Variants in FAM184B observed in about 807,000 individuals in gnomAD.
FAM184B encodes family with sequence similarity 184 member B, also known as protein FAM184B.
In FAM184B, 111 loss-of-function variants were observed where a neutral mutation model predicts 135.9. That is an observed-to-expected ratio of 0.82 (90% CI 0.70 to 0.96). FAM184B has a LOEUF of 0.96. Ranked by LOEUF, FAM184B falls within the 40% of genes least tolerant of loss-of-function variation. The pLI is 0.00. For synonymous variants in FAM184B, 552 were observed against 524.8 expected, an observed-to-expected ratio of 1.05 and a Z score of -0.71; for missense variants, 1,375 against 1,323.9, an observed-to-expected ratio of 1.04 and a Z score of -0.60.
intron 2 of FAM184B, among the ~76,000 whole-genome samples, chr4:17,708,032 T>A (rs1717156563): frequency 6.6e-6 from 1 of 152,138 alleles, no homozygotes; most frequent in African/African-American, 2.4e-5. Context: ...TAACTGCTGC[T>A]ACTTGTAGAG....
intron 5 of FAM184B, 122 bp from the exon 6 acceptor site, chr4:17,693,534 A>C (rs939846598): frequency 1.5e-5 from 11 of 716,084 alleles, no homozygotes; most frequent in Non-Finnish European, 2.6e-5. Flanking sequence ...CACTGCAAAT[A>C]AACATAAATT....
chr4:17,706,087 G>A lies in FAM184B; in HGVS notation c.1031-196C>T, dbSNP rs141995568. 1.2e-3 allele frequency among the ~76,000 whole-genome samples: 190 copies of A among 152,304 alleles called. 1 individual carries two copies. Among genetic ancestry groups the A allele is most frequent in the African/African-American group, 4.1e-3 (171 of 41,554 alleles). On this transcript the variant is annotated intron_variant, in intron 3 of 17. Coordinates refer to ENST00000265018, the MANE Select transcript of FAM184B (RefSeq NM_015688.2). ...CTCATCTCTTCTCAAGAAGCCTCGT[G>A]AGCTTAAATAACTGCCCTGCTCTAC...
At chr4:17,640,205 G>T (rs1317023648) in intron 13 of FAM184B, among the ~76,000 whole-genome samples, 1 of 150,480 alleles carries the variant, frequency 6.6e-6, no homozygotes, top group Non-Finnish European at 1.5e-5. Context: ...GGGTGCGGTG[G>T]CTCACATCTG....
At chr4:17,733,773 A>C (rs189683002) in intron 1 of FAM184B, among the ~76,000 whole-genome samples, 4 of 152,358 alleles carry the variant, frequency 2.6e-5, no homozygotes, top group African/African-American at 7.2e-5. Flanking sequence ...TTATATATTC[A>C]ATGCCATCCC....
intron 11 of FAM184B, 110 bp from the exon 12 acceptor site, chr4:17,647,901 G>A (rs1173742285): frequency 1.6e-5 from 20 of 1,257,310 alleles, no homozygotes; most frequent in Non-Finnish European, 2.2e-5. Flanking sequence ...GGCTGCTGAA[G>A]GCTTGTGGTG....
chr4:17,746,430 TAAA>T (rs1718165547), intron 1 of FAM184B, among the ~76,000 whole-genome samples: 11 of 151,994 alleles, frequency 7.2e-5, no homozygotes, highest in Admixed American at 5.9e-4. Context: ...GGGAATGGCT[TAAA>T]AAAGTAGATT....
chr4:17,629,635 ACT>A lies in FAM184B; in HGVS notation c.*2895_*2896del, dbSNP rs1714866803. On this transcript the variant is annotated 3_prime_UTR_variant, in exon 18 of 18. Coordinates refer to ENST00000265018, the MANE Select transcript of FAM184B (RefSeq NM_015688.2). Reference sequence around the variant, plus strand: ...AGCCTGAAGAGATTTACCATTAAATACTGTTTTTTTCTCTCTCTTAACTTAAT... The same window carrying A: ...AGCCTGAAGAGATTTACCATTAAATAGTTTTTTTCTCTCTCTTAACTTAAT... 1 of 152,158 alleles carries A rather than the reference ACT, an allele frequency of 6.6e-6. No individual in the cohort carries two copies. The allele number at this position is 152,158 out of a possible 1,614,324, so 9.4% of individuals were successfully genotyped here. A position where few individuals can be genotyped will look rare whatever the true frequency, so the allele number is the denominator to read the frequency against.
chr4:17,658,283 T>C, intron 10 of FAM184B, 67 bp downstream of exon 10: 2 of 1,394,368 alleles, frequency 1.4e-6, no homozygotes, highest in Non-Finnish European at 2.0e-6. Context: ...AAGGGACGGC[T>C]TTGTGCATGG....
intron 4 of FAM184B, 95 bp downstream of exon 4, chr4:17,705,657 C>A (rs1717097216): frequency 3.6e-6 from 5 of 1,404,152 alleles, no homozygotes; most frequent in Admixed American, 2.4e-5. Flanking sequence ...CCAAGTGGAT[C>A]CACTATGCTT....
chr4:17,716,807 CTTTAT>C (rs572528327), intron 1 of FAM184B, among the ~76,000 whole-genome samples: 12 of 151,962 alleles, frequency 7.9e-5, no homozygotes, highest in African/African-American at 2.9e-4. Context: ...AGAGCTTACC[CTTTAT>C]TTTATTTTAT....
intron 8 of FAM184B, among the ~76,000 whole-genome samples, chr4:17,663,260 G>A (rs560944080): frequency 2.0e-5 from 3 of 152,228 alleles, no homozygotes; most frequent in African/African-American, 7.2e-5. Context: ...TTTTAGGGAA[G>A]TGCTTGTTTG....
At position 17,630,963 on chromosome 4, in the gene FAM184B, T is replaced by C. The variant is rs1714918648; in HGVS notation, c.*1569A>G. 6.6e-6 allele frequency: 1 copy of C among 152,252 alleles called. No homozygotes were observed. The highest frequency in any genetic ancestry group is 6.5e-5 in the Admixed American group (1 of 15,288). The allele number at this position is 152,252 out of a possible 1,614,324, so 9.4% of individuals were successfully genotyped here. The stretch of plus-strand genomic sequence containing the variant: ...GACAATGCATAGAATTAACATTGGT[T>C]TGTGGGCCACCTTCTGGGCCAGCAC... On this transcript the variant is annotated 3_prime_UTR_variant, in exon 18 of 18. Transcript: ENST00000265018.
chr4:17,668,180 A>C (rs1716095852), intron 7 of FAM184B, among the ~76,000 whole-genome samples: 1 of 152,198 alleles, frequency 6.6e-6, no homozygotes, highest in South Asian at 2.1e-4. Context: ...GATCTTCCTC[A>C]GTTCACTTCT....
Position 17,708,995 on chromosome 4 carries a change from G to A in FAM184B, c.791C>T (p.Ala264Val). The change falls in exon 2 of 18, where the codon GCC becomes GTC. Residue 264 changes from alanine (A) to valine (V), a missense_variant. Transcript: ENST00000265018. ...LRKNFQVQES[A>V]LQAQVRKLEG... ...CAGCTTCCGGACCTGAGCCTGCAGG[G>A]CTGACTCCTGGACCTGGAAGTTCTT... 5.2e-6 allele frequency: 8 copies of A among 1,550,538 alleles called. No individual in the cohort carries two copies. The highest frequency in any genetic ancestry group is 2.7e-5 in the African/African-American group (2 of 73,090).
chr4:17,752,318 A>T (rs1242970197), intron 1 of FAM184B, among the ~76,000 whole-genome samples: 1 of 151,990 alleles, frequency 6.6e-6, no homozygotes, highest in Non-Finnish European at 1.5e-5. Flanking sequence ...GAATAGGGAA[A>T]TGGGTGGATG....
chr4:17,735,183 G>C (rs62297861), intron 1 of FAM184B, among the ~76,000 whole-genome samples: 4 of 151,662 alleles, frequency 2.6e-5, no homozygotes, highest in African/African-American at 9.7e-5. Flanking sequence ...TCCTGTTGTG[G>C]GGTGGGGGGA....
At chr4:17,747,321 G>T (rs370059057) in intron 1 of FAM184B, among the ~76,000 whole-genome samples, 6 of 152,102 alleles carry the variant, frequency 3.9e-5, no homozygotes, top group African/African-American at 1.2e-4. Flanking sequence ...GGCAGTTGAG[G>T]GGGTGTGGGG....
At chr4:17,704,090 C>T (rs1374964439) in intron 5 of FAM184B, among the ~76,000 whole-genome samples, 1 of 152,150 alleles carries the variant, frequency 6.6e-6, no homozygotes, top group Non-Finnish European at 1.5e-5. Context: ...GTATTTACTA[C>T]TCGTAACCCC....
At position 17,632,409 on chromosome 4, in the gene FAM184B, T is replaced by C. The variant is rs1714979638; in HGVS notation, c.*123A>G. 3 of 817,330 alleles carry C rather than the reference T, an allele frequency of 3.7e-6. No homozygotes were observed. The highest frequency in any genetic ancestry group is 5.7e-5 in the East Asian group (2 of 34,800). 50.6% of individuals were successfully genotyped at this position (817,330 alleles called of 1,614,324 possible). A position where few individuals can be genotyped will look rare whatever the true frequency, so the allele number is the denominator to read the frequency against. On this transcript the variant is annotated 3_prime_UTR_variant, in exon 18 of 18. Transcript: ENST00000265018. ...GAAGTGTTAACGCCAAAATTTGTTT[T>C]AGCTATCATATATAAATCATAAGCA... is the stretch of plus-strand genomic sequence containing the variant.
Sources: gnomAD v4.1 joint callset for allele counts (sites outside exome capture counted in the v4.1 genomes callset) on GRCh38, gnomAD v4.1.1 for gene constraint, MANE v1.5 for transcripts, NCBI Gene and HGNC (gene_info 2026-07-23, HGNC 2026-07-21) for gene names.